HYCC1: variants seen among roughly 807,000 people sequenced by gnomAD.
HYCC1 encodes hyccin.
the HYCC1 span, among the ~76,000 whole-genome samples, chr7:22,927,822 C>G: frequency 3.3e-5 from 5 of 152,330 alleles, no homozygotes; most frequent in East Asian, 1.9e-4. Context: ...AGAATCCTCC[C>G]TAACTCATTT....
the HYCC1 span, among the ~76,000 whole-genome samples, chr7:23,013,624 C>T: frequency 6.6e-6 from 1 of 152,118 alleles, no homozygotes; most frequent in African/African-American, 2.4e-5. Flanking sequence ...AAGGAAAGAC[C>T]CGAGTCGCGC....
the HYCC1 span, among the ~76,000 whole-genome samples, chr7:22,929,529 C>G: frequency 2.0e-5 from 3 of 151,890 alleles, no homozygotes; most frequent in East Asian, 3.9e-4. Flanking sequence ...AAAAGTGGGC[C>G]AAGGATATGA....
At chr7:22,987,627 A>G in the HYCC1 span, among the ~76,000 whole-genome samples, 1 of 152,204 alleles carries the variant, frequency 6.6e-6, no homozygotes, top group Non-Finnish European at 1.5e-5. Context: ...TTTCAATTTC[A>G]AAAATTTCAT....
the HYCC1 span, chr7:22,984,069 T>C: frequency 7.2e-7 from 1 of 1,396,704 alleles, no homozygotes; most frequent in Non-Finnish European, 1.0e-6. Flanking sequence ...AAAAAATACA[T>C]TTTACTTTTA....
chr7:22,920,157 A>AT, the HYCC1 span, among the ~76,000 whole-genome samples: 2 of 151,846 alleles, frequency 1.3e-5, no homozygotes, highest in African/African-American at 4.8e-5. Flanking sequence ...GGGTGGTGTG[A>AT]TTTTTTTGTA....
chr7:22,933,934 G>C, the HYCC1 span, among the ~76,000 whole-genome samples: 10 of 152,062 alleles, frequency 6.6e-5, no homozygotes, highest in African/African-American at 2.2e-4. Context: ...ATATATTCCT[G>C]GTGGGAAGAT....
the HYCC1 span, among the ~76,000 whole-genome samples, chr7:22,930,623 C>G: frequency 6.6e-6 from 1 of 151,892 alleles, no homozygotes; most frequent in Non-Finnish European, 1.5e-5. Flanking sequence ...TTTGAAGCCA[C>G]TATTACCCTG....
At chr7:22,910,149 T>C in the HYCC1 span, among the ~76,000 whole-genome samples, 1 of 152,216 alleles carries the variant, frequency 6.6e-6, no homozygotes, top group African/African-American at 2.4e-5. Context: ...CTTTCTCCTC[T>C]CCAAATCTCA....
the HYCC1 span, among the ~76,000 whole-genome samples, chr7:23,003,971 G>T: frequency 5.9e-5 from 9 of 151,470 alleles, no homozygotes; most frequent in Admixed American, 3.3e-4. Context: ...GTTTTTCTTG[G>T]TTTAAAAACA....
At chr7:22,974,099 G>C in the HYCC1 span, among the ~76,000 whole-genome samples, 1 of 152,120 alleles carries the variant, frequency 6.6e-6, no homozygotes, top group Non-Finnish European at 1.5e-5. Flanking sequence ...GGTGAAAATT[G>C]CTGCATTGTT....
At chr7:22,906,108 G>T in the HYCC1 span, among the ~76,000 whole-genome samples, 1 of 149,292 alleles carries the variant, frequency 6.7e-6, no homozygotes, top group Admixed American at 6.8e-5. Context: ...TAATAATATA[G>T]TCATCTGAAT....
chr7:22,989,230 C>CAA, the HYCC1 span, among the ~76,000 whole-genome samples: 7 of 150,450 alleles, frequency 4.7e-5, no homozygotes, highest in South Asian at 2.1e-4. Flanking sequence ...ATCAATCTGC[C>CAA]AAAAAAAAGC....
At chr7:22,984,375 G>A in the HYCC1 span, among the ~76,000 whole-genome samples, 1 of 152,016 alleles carries the variant, frequency 6.6e-6, no homozygotes, top group Admixed American at 6.6e-5. Context: ...TTATCAACAA[G>A]GACATAAACT....
the HYCC1 span, among the ~76,000 whole-genome samples, chr7:22,922,398 C>CGTA: frequency 1.2e-4 from 19 of 152,312 alleles, no homozygotes; most frequent in South Asian, 3.9e-3. Context: ...ATACATCCAG[C>CGTA]CTACTATATC....
chr7:23,003,862 C>T, the HYCC1 span, among the ~76,000 whole-genome samples: 1 of 152,074 alleles, frequency 6.6e-6, no homozygotes, highest in Non-Finnish European at 1.5e-5. Flanking sequence ...GTAATGTGTG[C>T]TAATAGGGCC....
the HYCC1 span, chr7:22,946,012 G>T: frequency 1.9e-6 from 3 of 1,613,614 alleles, no homozygotes; most frequent in Admixed American, 1.7e-5. Context: ...CTGACCGTCT[G>T]TGGTTCTTTC....
the HYCC1 span, among the ~76,000 whole-genome samples, chr7:22,899,196 A>G: frequency 1.3e-5 from 2 of 152,132 alleles, no homozygotes; most frequent in Admixed American, 1.3e-4. Context: ...GGGATATTAA[A>G]TGAAACAGTC....
At chr7:23,013,914 G>A in the HYCC1 span, 6 of 468,480 alleles carry the variant, frequency 1.3e-5, no homozygotes, top group East Asian at 3.5e-4. Flanking sequence ...GGGTCTCTCG[G>A]CTGGACTCAC....
At chr7:22,904,922 A>C in the HYCC1 span, among the ~76,000 whole-genome samples, 25 of 151,648 alleles carry the variant, frequency 1.6e-4, no homozygotes, top group African/African-American at 6.0e-4. Flanking sequence ...ATGGTTCTGC[A>C]GGCTATACAG....
Sources: allele counts gnomAD v4.1 joint callset (sites outside exome capture counted in the v4.1 genomes callset), GRCh38; gene constraint gnomAD v4.1.1; transcripts MANE v1.5; gene names NCBI Gene and HGNC (gene_info 2026-07-23, HGNC 2026-07-21).